Variants in CYP19A1 observed in about 807,000 individuals in gnomAD.
CYP19A1 encodes cytochrome P450 family 19 subfamily A member 1.
A neutral mutation model predicts 44.4 loss-of-function variants in CYP19A1; 32 were observed. The ratio of observed to expected loss-of-function variants is 0.72; its 90% CI spans 0.54 to 0.97. CYP19A1 has a LOEUF of 0.97. CYP19A1 is among the 50% of genes least tolerant of loss of function. The pLI, the probability that CYP19A1 is intolerant of heterozygous loss-of-function variation, is 0.00. For synonymous variants in CYP19A1, 212 were observed against 215.6 expected, an observed-to-expected ratio of 0.98 and a Z score of 0.14; for missense variants, 598 against 637.8, an observed-to-expected ratio of 0.94 and a Z score of 0.67.
At chr15:51,235,915 T>A (rs1349255678) in intron 3 of CYP19A1, among the ~76,000 whole-genome samples, 1 of 152,238 alleles carries the variant, frequency 6.6e-6, no homozygotes, top group Non-Finnish European at 1.5e-5. Context: ...TGCAGATAGC[T>A]TTGCTAAAAG....
intron 1 of CYP19A1, among the ~76,000 whole-genome samples, chr15:51,250,586 T>C (rs1248603107): frequency 6.6e-6 from 1 of 152,218 alleles, no homozygotes; most frequent in Non-Finnish European, 1.5e-5. Flanking sequence ...AATGACTGTT[T>C]TAAAAGACTT....
intron 1 of CYP19A1, among the ~76,000 whole-genome samples, chr15:51,331,469 C>T (rs2036699601): frequency 6.6e-6 from 1 of 152,182 alleles, no homozygotes; most frequent in African/African-American, 2.4e-5. Flanking sequence ...AATCTCTCCT[C>T]ATGGAAATAA....
At chr15:51,297,963 G>C (rs766423249) in intron 1 of CYP19A1, among the ~76,000 whole-genome samples, 4 of 152,096 alleles carry the variant, frequency 2.6e-5, no homozygotes, top group Non-Finnish European at 5.9e-5. Flanking sequence ...AGGCTACTCT[G>C]AGGAATGGGG....
At chr15:51,293,218 G>C (rs2035888138) in intron 1 of CYP19A1, among the ~76,000 whole-genome samples, 1 of 152,010 alleles carries the variant, frequency 6.6e-6, no homozygotes, top group African/African-American at 2.4e-5. Context: ...TAAAGAACTT[G>C]TTCATGTAAC....
chr15:51,311,667 C>A (rs2036313234), intron 1 of CYP19A1, among the ~76,000 whole-genome samples: 1 of 152,224 alleles, frequency 6.6e-6, no homozygotes, highest in African/African-American at 2.4e-5. Flanking sequence ...AACTGAATGT[C>A]CCACAACTCC....
At chr15:51,231,528 A>G (rs879477242) in intron 3 of CYP19A1, among the ~76,000 whole-genome samples, 4 of 152,070 alleles carry the variant, frequency 2.6e-5, no homozygotes, top group Non-Finnish European at 5.9e-5. Context: ...TGGTTGTCTG[A>G]TAAGACCACA....
Position 51,302,609 on chromosome 15 carries a change from T to C in CYP19A1, c.-39+35886A>G, listed in dbSNP as rs571544505. Among the ~76,000 whole-genome samples the C allele has an allele frequency of 2.6e-5, 4 of 152,294 alleles. No homozygotes were observed. In the East Asian group the frequency reaches 7.7e-4, roughly 29 times the overall value. On this transcript the variant is annotated intron_variant, in intron 1 of 9. Transcript: ENST00000396402. ...TCAGCCTTTTACCCTTCTCTGGCTT[T>C]CCCCTCTCCCCACTGTCCTCACAGA... is the stretch of plus-strand genomic sequence containing the variant.
intron 1 of CYP19A1, among the ~76,000 whole-genome samples, chr15:51,267,559 C>A (rs939898592): frequency 6.6e-6 from 1 of 152,174 alleles, no homozygotes; most frequent in African/African-American, 2.4e-5. Context: ...CCGGCCACTG[C>A]CCAGGGCGGA....
intron 6 of CYP19A1, among the ~76,000 whole-genome samples, chr15:51,216,497 C>T (rs2031591737): frequency 1.3e-5 from 2 of 152,196 alleles, no homozygotes; most frequent in African/African-American, 4.8e-5. Flanking sequence ...AGGTGATCCA[C>T]CCACCTCGGC....
rs548566597 is a variant in CYP19A1, at chr15:51,250,745, G to A, written c.-38-7795C>T. On this transcript the variant is annotated intron_variant, in intron 1 of 9. Coordinates refer to ENST00000396402, the MANE Select transcript of CYP19A1 (RefSeq NM_000103.4). ...TTTTTCTCACGAGGAGTCTGACCTC[G>A]CCTTATGGAGGAGGCAGAAAGGGCC... 1.4e-4 allele frequency among the ~76,000 whole-genome samples: 21 copies of A among 152,300 alleles called. No homozygotes were observed. The South Asian group carries it at 3.5e-3, about 26-fold the overall frequency.
In CYP19A1 at chr15:51,278,923, C is replaced by T. The variant is rs536624886; in HGVS notation, c.-38-35973G>A. 8 of 152,258 alleles carry T rather than the reference C, an allele frequency of 5.3e-5. No homozygotes were observed. The South Asian group carries it at 6.2e-4, about 12-fold the overall frequency. 9.4% of individuals were successfully genotyped at this position (152,258 alleles called of 1,614,324 possible). Reference sequence around the variant, plus strand: ...CATAGGGACATTTACATTTTAGGAACACATTTTTAAATGAAAGACTCAAGT... The same window carrying T: ...CATAGGGACATTTACATTTTAGGAATACATTTTTAAATGAAAGACTCAAGT... On this transcript the variant is annotated intron_variant, in intron 1 of 9. Transcript: ENST00000396402.
At chr15:51,244,410 C>T (rs1002031460) in intron 1 of CYP19A1, among the ~76,000 whole-genome samples, 3 of 151,862 alleles carry the variant, frequency 2.0e-5, no homozygotes, top group Admixed American at 2.0e-4. Flanking sequence ...TGGAAAGGTC[C>T]TTTGAGATTC....
At chr15:51,279,675 C>G (rs1367169594) in intron 1 of CYP19A1, among the ~76,000 whole-genome samples, 1 of 152,142 alleles carries the variant, frequency 6.6e-6, no homozygotes, top group East Asian at 1.9e-4. Context: ...CCCCAAATTT[C>G]TCTTTGTGGC....
At chr15:51,269,447 C>G (rs2035045872) in intron 1 of CYP19A1, among the ~76,000 whole-genome samples, 1 of 151,836 alleles carries the variant, frequency 6.6e-6, no homozygotes, top group South Asian at 2.1e-4. Context: ...AATATAAAAG[C>G]AAGATTAGTA....
chr15:51,330,924 T>C (rs1304907232), intron 1 of CYP19A1, among the ~76,000 whole-genome samples: 1 of 152,124 alleles, frequency 6.6e-6, no homozygotes, highest in Non-Finnish European at 1.5e-5. Context: ...ATGGGTTCAA[T>C]GTTTGGTGGG....
At chr15:51,338,448 G>A (rs1347836178) in intron 1 of CYP19A1, 47 bp downstream of exon 1, 1 of 152,174 alleles carries the variant, frequency 6.6e-6, no homozygotes, top group East Asian at 1.9e-4. Context: ...TGGAAAGAGT[G>A]TCTGATCCCA....
intron 1 of CYP19A1, among the ~76,000 whole-genome samples, chr15:51,329,845 C>A (rs184434400): frequency 3.3e-4 from 51 of 152,300 alleles, no homozygotes; most frequent in Non-Finnish European, 6.3e-4. Context: ...GAGTTCACAG[C>A]CTAACAGGGA....
intron 1 of CYP19A1, among the ~76,000 whole-genome samples, chr15:51,253,257 A>G (rs12907866): frequency 0.35 from 53,340 of 152,180 alleles, 10,922 homozygotes; most frequent in Non-Finnish European, 0.46. Context: ...GCAAAACCTC[A>G]ATAAACTTAT....
intron 1 of CYP19A1, among the ~76,000 whole-genome samples, chr15:51,264,451 A>G (rs1317394977): frequency 6.6e-6 from 1 of 152,076 alleles, no homozygotes; most frequent in Non-Finnish European, 1.5e-5. Context: ...GAATTGGTGG[A>G]TAGTGTGAAG....
Sources: allele counts gnomAD v4.1 joint callset (sites outside exome capture counted in the v4.1 genomes callset), GRCh38; gene constraint gnomAD v4.1.1; transcripts MANE v1.5; gene names NCBI Gene and HGNC (gene_info 2026-07-23, HGNC 2026-07-21).